Variants in GPR180 observed in about 807,000 individuals in gnomAD.
GPR180 encodes the protein G protein-coupled receptor 180.
A neutral mutation model predicts 52.6 loss-of-function variants in GPR180; 53 were observed. The ratio of observed to expected loss-of-function variants is 1.01; its 90% CI spans 0.81 to 1.27. The LOEUF (loss-of-function observed/expected upper bound fraction) is 1.27. GPR180 is among the 50% of genes most tolerant of loss of function. The pLI, the probability that GPR180 is intolerant of heterozygous loss-of-function variation, is 0.00. For synonymous variants in GPR180, 200 were observed against 193.1 expected (o/e 1.04, Z -0.30); for missense variants, 533 against 527.0 (o/e 1.01, Z -0.11).
chr13:94,630,159 G>C lies in GPR180; in HGVS notation c.*2988G>C, dbSNP rs1889976027. 1 of 152,200 alleles carries C rather than the reference G, an allele frequency of 6.6e-6. No homozygotes were observed. The highest frequency in any genetic ancestry group is 6.5e-5 in the Admixed American group (1 of 15,286). The allele number at this position is 152,200 out of a possible 1,614,324, so 9.4% of individuals were successfully genotyped here. A position where few individuals can be genotyped will look rare whatever the true frequency, so the allele number is the denominator to read the frequency against. On this transcript the variant is annotated 3_prime_UTR_variant, in exon 9 of 9. Coordinates refer to ENST00000376958, the MANE Select transcript of GPR180 (RefSeq NM_180989.6). Reference sequence around the variant, plus strand: ...AAAATAATGAGATTGGTTTTCCTCTGTGATCTGAAAGTAGTGTGGTAGAAG... The same window carrying C: ...AAAATAATGAGATTGGTTTTCCTCTCTGATCTGAAAGTAGTGTGGTAGAAG...
intron 5 of GPR180, among the ~76,000 whole-genome samples, chr13:94,620,802 C>G (rs930646360): frequency 2.0e-5 from 3 of 152,054 alleles, no homozygotes; most frequent in Non-Finnish European, 4.4e-5. Context: ...TAAGGTTGGA[C>G]TTAATGGACA....
chr13:94,612,593 T>A (rs1031553345), intron 3 of GPR180, among the ~76,000 whole-genome samples: 1 of 152,218 alleles, frequency 6.6e-6, no homozygotes, highest in African/African-American at 2.4e-5. Flanking sequence ...TATTAAAACC[T>A]GCAAAGAATA....
intron 7 of GPR180, among the ~76,000 whole-genome samples, chr13:94,625,452 C>T (rs886506274): frequency 2.6e-5 from 4 of 151,990 alleles, no homozygotes; most frequent in Non-Finnish European, 5.9e-5. Flanking sequence ...AAAGAGAATA[C>T]ATTACTAGGT....
In GPR180 at chr13:94,624,838, A is replaced by G. The variant is rs563771599; in HGVS notation, c.1087-1128A>G. On this transcript the variant is annotated intron_variant, in intron 7 of 8. Transcript: ENST00000376958. ...ATTACAGGCGTGAGCCACCGCACCC[A>G]GCCTTTCTTTTTTAAGATGGAGTTT... Among the ~76,000 whole-genome samples the G allele has an allele frequency of 6.7e-4, 101 of 151,312 alleles. 2 individuals carry two copies. In the Middle Eastern group the frequency reaches 0.017, roughly 26 times the overall value.
At chr13:94,608,638 A>C (rs975736158) in intron 2 of GPR180, among the ~76,000 whole-genome samples, 8 of 152,158 alleles carry the variant, frequency 5.3e-5, no homozygotes, top group African/African-American at 1.9e-4. Flanking sequence ...GCTTAGGTAC[A>C]TTTAAACAAA....
In GPR180 at chr13:94,602,002, G is replaced by T; in HGVS notation, c.75G>T (p.Leu25=). The T allele has an allele frequency of 6.8e-7, 1 of 1,477,460 alleles. No homozygotes were observed. Among genetic ancestry groups the T allele is most frequent in the Non-Finnish European group, 9.0e-7 (1 of 1,116,882 alleles). 91.5% of individuals were successfully genotyped at this position (1,477,460 alleles called of 1,614,324 possible). ...WWPQGSQGKT[L]RGSFSSTAAQ... is the part of the protein sequence containing the mutation. The stretch of plus-strand genomic sequence containing the variant: ...CGCAGGGCAGCCAGGGTAAGACCCT[G>T]CGGGGCAGCTTCAGCAGCACCGCGG... Residue 25 remains leucine, a synonymous_variant, in exon 1 of 9, where the codon CTG becomes CTT. Coordinates refer to ENST00000376958, the MANE Select transcript of GPR180 (RefSeq NM_180989.6).
Position 94,621,089 on chromosome 13 carries a change from G to A in GPR180, c.748G>A (p.Ala250Thr), listed in dbSNP as rs141136283. The stretch of plus-strand genomic sequence containing the variant: ...TCATGTCCCATTAGTTTTTGACATC[G>A]CTTCCCAAATTCAGATGTTATACTT... ...MGSLAEFFDI[A>T]SQIQMLYLLL... The change falls in exon 6 of 9, where the codon GCT becomes ACT. Residue 250 changes from alanine (A) to threonine (T), a missense_variant. By Grantham distance (58) the Ala-to-Thr change is moderately conservative. Coordinates refer to ENST00000376958, the MANE Select transcript of GPR180 (RefSeq NM_180989.6). 170 of 1,602,224 alleles carry A rather than the reference G, an allele frequency of 1.1e-4. No individual in the cohort carries two copies. In the East Asian group the frequency reaches 1.6e-3, roughly 15 times the overall value.
At chr13:94,609,521 A>G (rs9524557) in intron 2 of GPR180, among the ~76,000 whole-genome samples, 46,640 of 152,044 alleles carry the variant, frequency 0.31, 7,742 homozygotes, top group Non-Finnish European at 0.38. Context: ...TATTGGTAAA[A>G]GTGTGGGTTT....
chr13:94,623,433 C>G, intron 7 of GPR180, 133 bp downstream of exon 7: 1 of 661,536 alleles, frequency 1.5e-6, no homozygotes, highest in Non-Finnish European at 2.5e-6. Context: ...CTCCTATAAT[C>G]CCAGTGCTTT....
At chr13:94,603,609 CAG>C (rs1337452737) in intron 1 of GPR180, among the ~76,000 whole-genome samples, 18 of 152,100 alleles carry the variant, frequency 1.2e-4, no homozygotes, top group African/African-American at 3.1e-4. Flanking sequence ...AATTGGGCCT[CAG>C]AGTCACTTGT....
In GPR180 at chr13:94,602,028, C is replaced by G. The variant is rs924225163; in HGVS notation, c.101C>G (p.Ala34Gly). Residue 34 changes from alanine to glycine, a missense_variant, in exon 1 of 9, where the codon GCC becomes GGC. Physicochemically the swap from Ala to Gly is moderately conservative, Grantham distance 60 (BLOSUM62 0). Transcript: ENST00000376958. ...TLRGSFSSTA[A>G]QDAQGQRIGH... ...CGGGGCAGCTTCAGCAGCACCGCGG[C>G]CCAGGACGCCCAGGGCCAGCGCATC... The G allele has an allele frequency of 5.5e-6, 8 of 1,453,602 alleles. No homozygotes were observed. Among genetic ancestry groups the G allele is most frequent in the Non-Finnish European group, 5.4e-6 (6 of 1,102,874 alleles). 90.0% of individuals were successfully genotyped at this position (1,453,602 alleles called of 1,614,324 possible). A position where few individuals can be genotyped will look rare whatever the true frequency, so the allele number is the denominator to read the frequency against.
At chr13:94,604,712 A>G (rs540527739) in intron 1 of GPR180, among the ~76,000 whole-genome samples, 1 of 152,028 alleles carries the variant, frequency 6.6e-6, no homozygotes, top group South Asian at 2.1e-4. Flanking sequence ...AATAGCTGAG[A>G]CTACAGGCTC....
rs763608852 is a variant in GPR180 at position 94,619,145 on chromosome 13, C to T, written c.506-5C>T. 2 of 1,609,850 alleles carry T rather than the reference C, an allele frequency of 1.2e-6. No homozygotes were observed. Among genetic ancestry groups the T allele is most frequent in the Non-Finnish European group, 1.7e-6 (2 of 1,177,906 alleles). ...TGAAGCAAACTCCCTTTCTTCTCTT[C>T]ACAGGGTTACATGAGTTCTTTTTCC... On this transcript the variant is annotated splice_polypyrimidine_tract_variant and splice_region_variant and intron_variant, in intron 3 of 8. Coordinates refer to ENST00000376958, the MANE Select transcript of GPR180 (RefSeq NM_180989.6).
intron 5 of GPR180, among the ~76,000 whole-genome samples, chr13:94,620,751 T>C (rs917113650): frequency 1.3e-5 from 2 of 152,206 alleles, no homozygotes; most frequent in African/African-American, 4.8e-5. Flanking sequence ...AACAGGATTA[T>C]GTAGTTAGAA....
intron 3 of GPR180, among the ~76,000 whole-genome samples, chr13:94,612,612 A>G (rs1416143552): frequency 1.3e-5 from 2 of 152,324 alleles, no homozygotes; most frequent in African/African-American, 2.4e-5. Context: ...TAAAACAGAA[A>G]GAAGCACAAA....
At chr13:94,604,320 C>T (rs1209060882) in intron 1 of GPR180, among the ~76,000 whole-genome samples, 8 of 141,774 alleles carry the variant, frequency 5.6e-5, no homozygotes, top group East Asian at 2.0e-4. Flanking sequence ...GGCAATAGGG[C>T]GAGAATATGT....
intron 6 of GPR180, among the ~76,000 whole-genome samples, chr13:94,622,141 T>C (rs1227626232): frequency 1.3e-5 from 2 of 151,866 alleles, no homozygotes; most frequent in African/African-American, 4.8e-5. Flanking sequence ...ATATCACAGG[T>C]GGTGATATTT....
At chr13:94,616,988 G>A (rs142855085) in intron 3 of GPR180, among the ~76,000 whole-genome samples, 4 of 152,248 alleles carry the variant, frequency 2.6e-5, no homozygotes, top group African/African-American at 9.6e-5. Flanking sequence ...TGTTTAATAT[G>A]TTATGTCAAT....
In GPR180 at chr13:94,621,159, A is replaced by C; in HGVS notation, c.818A>C (p.Lys273Thr). The C allele has an allele frequency of 6.2e-7, 1 of 1,612,258 alleles. No homozygotes were observed. Residue 273 changes from lysine to threonine, a missense_variant, in exon 6 of 9, where the codon AAG (lysine) becomes ACG (threonine). Lys to Thr is a moderately conservative substitution (Grantham distance 78). Coordinates refer to ENST00000376958, the MANE Select transcript of GPR180 (RefSeq NM_180989.6). ...GGTTGGACAATAGTCAGAATGAAGA[A>C]GTCTCAAAGCAGACCTCTCCAGTGG... ...CMGWTIVRMK[K>T]SQSRPLQWDS...
Sources: gnomAD v4.1 joint callset for allele counts (sites outside exome capture counted in the v4.1 genomes callset) on GRCh38, gnomAD v4.1.1 for gene constraint, MANE v1.5 for transcripts, NCBI Gene and HGNC (gene_info 2026-07-23, HGNC 2026-07-21) for gene names.